Variants in CDKAL1 observed in about 807,000 individuals in gnomAD.
CDKAL1 encodes the protein CDKAL1 threonylcarbamoyladenosine tRNA methylthiotransferase, also known as threonylcarbamoyladenosine tRNA methylthiotransferase.
A neutral mutation model predicts 68.2 loss-of-function variants in CDKAL1; 32 were observed. The ratio of observed to expected loss-of-function variants is 0.47; its 90% CI spans 0.35 to 0.63. The LOEUF (loss-of-function observed/expected upper bound fraction) is 0.63. Among genes scored for constraint, CDKAL1 ranks in the 30% least tolerant of loss-of-function variants. The probability of loss-of-function intolerance (pLI) is 0.00; values close to 1 mark genes in which losing one functional copy is unlikely to be tolerated. For missense variants in CDKAL1, 606 were observed against 696.7 expected, an observed-to-expected ratio of 0.87 and a Z score of 1.47; for synonymous variants, 234 against 244.3, an observed-to-expected ratio of 0.96 and a Z score of 0.39.
chr6:20,572,040 G>C, intron 4 of CDKAL1, among the ~76,000 whole-genome samples: 1 of 152,052 alleles, frequency 6.6e-6, no homozygotes, highest in East Asian at 1.9e-4. Context: ...CCAAAATGAA[G>C]AAAAATCCCT....
intron 9 of CDKAL1, among the ~76,000 whole-genome samples, chr6:20,921,422 G>A (rs1010425396): frequency 1.3e-5 from 2 of 152,142 alleles, no homozygotes; most frequent in East Asian, 3.8e-4. Flanking sequence ...GCAAGACTCC[G>A]TCTCAAAATA....
chr6:20,671,826 G>A (rs1434626169), intron 5 of CDKAL1, among the ~76,000 whole-genome samples: 1 of 152,004 alleles, frequency 6.6e-6, no homozygotes, highest in Non-Finnish European at 1.5e-5. Flanking sequence ...ACAGCCTTGA[G>A]ATCATGGACC....
intron 12 of CDKAL1, among the ~76,000 whole-genome samples, chr6:21,102,143 TTCTC>T (rs1374347193): frequency 6.6e-6 from 1 of 152,204 alleles, no homozygotes; most frequent in African/African-American, 2.4e-5. Context: ...GGACTCCCTT[TTCTC>T]TCTGTCTCCA....
intron 6 of CDKAL1, among the ~76,000 whole-genome samples, chr6:20,752,835 A>G (rs1428870908): frequency 6.6e-6 from 1 of 152,180 alleles, no homozygotes; most frequent in African/African-American, 2.4e-5. Context: ...AATTGTTTCA[A>G]TACTGTCCTT....
intron 6 of CDKAL1, among the ~76,000 whole-genome samples, chr6:20,750,879 G>T (rs183402303): frequency 3.6e-3 from 509 of 141,480 alleles, no homozygotes; most frequent in Middle Eastern, 0.028. Context: ...CAGGAGAATC[G>T]CTTGAACCCA....
intron 4 of CDKAL1, among the ~76,000 whole-genome samples, chr6:20,644,363 C>G (rs1210021887): frequency 2.0e-5 from 3 of 151,996 alleles, no homozygotes. Flanking sequence ...TAATACAAAA[C>G]TGATAGAGTT....
intron 12 of CDKAL1, among the ~76,000 whole-genome samples, chr6:21,092,137 C>T (rs1212869369): frequency 1.4e-5 from 2 of 144,686 alleles, no homozygotes; most frequent in African/African-American, 2.5e-5. Flanking sequence ...CCGCCCGCCT[C>T]GGCCTCCCAA....
intron 12 of CDKAL1, among the ~76,000 whole-genome samples, chr6:21,105,774 CAG>C (rs904323244): frequency 6.6e-6 from 1 of 152,152 alleles, no homozygotes. Context: ...AGAAGCAAGA[CAG>C]GGGCAGTGTT....
intron 9 of CDKAL1, among the ~76,000 whole-genome samples, chr6:20,914,363 A>G (rs1446883019): frequency 6.6e-6 from 1 of 151,484 alleles, no homozygotes; most frequent in Non-Finnish European, 1.5e-5. Flanking sequence ...TTGCCTGTCC[A>G]CTCTCTCTAA....
At chr6:20,638,946 A>G (rs1375004351) in intron 4 of CDKAL1, among the ~76,000 whole-genome samples, 3 of 152,052 alleles carry the variant, frequency 2.0e-5, no homozygotes, top group African/African-American at 7.2e-5. Context: ...GATTCTCTAG[A>G]TGCAGTAACT....
chr6:20,712,796 C>T (rs925352499), intron 5 of CDKAL1, among the ~76,000 whole-genome samples: 3 of 152,078 alleles, frequency 2.0e-5, no homozygotes, highest in African/African-American at 7.2e-5. Flanking sequence ...AGGCACCCGC[C>T]ACCATGCCCA....
intron 12 of CDKAL1, among the ~76,000 whole-genome samples, chr6:21,076,476 G>A (rs556790184): frequency 1.3e-5 from 2 of 152,272 alleles, no homozygotes; most frequent in South Asian, 2.1e-4. Context: ...GTTTCTGAGT[G>A]TAATCCTTAC....
At chr6:21,073,426 C>G (rs1771901849) in intron 12 of CDKAL1, among the ~76,000 whole-genome samples, 1 of 152,306 alleles carries the variant, frequency 6.6e-6, no homozygotes, top group Admixed American at 6.5e-5. Flanking sequence ...TCTTCCAAAG[C>G]CACTCTGCCA....
intron 9 of CDKAL1, among the ~76,000 whole-genome samples, chr6:20,883,994 A>G (rs952369451): frequency 1.3e-5 from 2 of 152,230 alleles, no homozygotes; most frequent in African/African-American, 4.8e-5. Flanking sequence ...TGAGGTCAGC[A>G]TACCAAAGCT....
chr6:20,608,639 G>A (rs1766440051), intron 4 of CDKAL1, among the ~76,000 whole-genome samples: 1 of 152,170 alleles, frequency 6.6e-6, no homozygotes, highest in Non-Finnish European at 1.5e-5. Context: ...GGATAAATGC[G>A]AATATGTCTG....
intron 4 of CDKAL1, among the ~76,000 whole-genome samples, chr6:20,567,489 T>C (rs1764508127): frequency 6.6e-6 from 1 of 152,100 alleles, no homozygotes; most frequent in East Asian, 1.9e-4. Context: ...AACGTGTTTC[T>C]CTCTTGCACA....
intron 9 of CDKAL1, among the ~76,000 whole-genome samples, chr6:20,952,627 T>C (rs966846824): frequency 3.9e-4 from 60 of 152,380 alleles, no homozygotes; most frequent in Admixed American, 2.7e-3. Flanking sequence ...AGCTCATAAC[T>C]GAAGTCCTTA....
At chr6:21,001,574 TGCTACA>T (rs1767430034) in intron 11 of CDKAL1, among the ~76,000 whole-genome samples, 1 of 152,178 alleles carries the variant, frequency 6.6e-6, no homozygotes, top group Non-Finnish European at 1.5e-5. Flanking sequence ...ATTTGTTAAG[TGCTACA>T]GCCTTCAAAG....
intron 4 of CDKAL1, among the ~76,000 whole-genome samples, chr6:20,554,264 G>T: frequency 6.6e-6 from 1 of 152,218 alleles, no homozygotes; most frequent in East Asian, 1.9e-4. Flanking sequence ...AATTAGATTA[G>T]TATCTTGGGA....
Sources: allele counts gnomAD v4.1 joint callset (sites outside exome capture counted in the v4.1 genomes callset), GRCh38; gene constraint gnomAD v4.1.1; transcripts MANE v1.5; gene names NCBI Gene and HGNC (gene_info 2026-07-23, HGNC 2026-07-21).